The following L3MBTL4 variants were observed in gnomAD, a reference collection of about 807,000 sequenced individuals.
L3MBTL4 encodes the protein lethal(3)malignant brain tumor-like protein 4.
Under a neutral mutation model 84.5 loss-of-function variants are expected in L3MBTL4, and 70 were observed. The observed-to-expected ratio is 0.83, with a 90% CI of 0.68 to 1.01. The LOEUF is 1.01. Ranked by LOEUF, L3MBTL4 falls within the 50% of genes least tolerant of loss-of-function variation. The probability of loss-of-function intolerance (pLI) is 0.00; values close to 1 mark genes in which losing one functional copy is unlikely to be tolerated. For synonymous variants in L3MBTL4, 274 were observed against 259.8 expected, an observed-to-expected ratio of 1.05 and a Z score of -0.52; for missense variants, 715 against 754.8, an observed-to-expected ratio of 0.95 and a Z score of 0.62.
At chr18:6,234,812 A>C (rs538852051) in intron 10 of L3MBTL4, among the ~76,000 whole-genome samples, 1 of 152,334 alleles carries the variant, frequency 6.6e-6, no homozygotes, top group African/African-American at 2.4e-5. Flanking sequence ...CGATCCCATC[A>C]CTGGGTATAT....
intron 3 of L3MBTL4, among the ~76,000 whole-genome samples, chr18:6,308,482 A>G (rs2050690507): frequency 6.6e-6 from 1 of 152,268 alleles, no homozygotes; most frequent in African/African-American, 2.4e-5. Flanking sequence ...AAAAGGATAT[A>G]TGAATAAGAA....
intron 7 of L3MBTL4, 50 bp downstream of exon 7, chr18:6,243,244 T>C: frequency 7.1e-7 from 1 of 1,413,930 alleles, no homozygotes; most frequent in South Asian, 1.7e-5. Context: ...AAAATATAAG[T>C]GAAATACCAA....
chr18:6,132,075 C>G (rs1034453561), intron 14 of L3MBTL4, among the ~76,000 whole-genome samples: 1 of 152,056 alleles, frequency 6.6e-6, no homozygotes, highest in Non-Finnish European at 1.5e-5. Flanking sequence ...CCAATGATAC[C>G]CTTTCAGCCA....
rs1244244609 is a variant in L3MBTL4 at position 6,337,544 on chromosome 18, A to AATATAAAT, written c.-90-25489_-90-25488insATTTATAT. On this transcript the variant is annotated intron_variant, in intron 1 of 18. Coordinates refer to ENST00000317931, the MANE Select transcript of L3MBTL4 (RefSeq NM_001330559.2). ...TGCTATTTATATAAAGTTCAATAACAGGCAAAACTAACCTAAAGCATGGGA... is the reference window on the plus strand; with the variant it reads ...TGCTATTTATATAAAGTTCAATAACAATATAAATGGCAAAACTAACCTAAAGCATGGGA... 3.0e-4 allele frequency among the ~76,000 whole-genome samples: 46 copies of AATATAAAT among 152,276 alleles called. 1 individual carries two copies. In the East Asian group the frequency reaches 5.0e-3, roughly 17 times the overall value.
In L3MBTL4 at chr18:6,243,449, C is replaced by T. The variant is rs1599309056; in HGVS notation, c.325-20G>A. 6.4e-6 allele frequency: 10 copies of T among 1,566,092 alleles called. No individual in the cohort carries two copies. Among genetic ancestry groups the T allele is most frequent in the Non-Finnish European group, 8.6e-6 (10 of 1,158,620 alleles). On this transcript the variant is annotated intron_variant, in intron 6 of 18. Transcript: ENST00000317931. ...ACAAACCTGCAAGATAGAAAGTTTACAATCATTCGTTAAGTGTCATATATT... is the reference window on the plus strand; with the variant it reads ...ACAAACCTGCAAGATAGAAAGTTTATAATCATTCGTTAAGTGTCATATATT...
At chr18:6,239,974 C>G (rs2047387231) in intron 8 of L3MBTL4, 102 bp from the exon 9 acceptor site, 3 of 1,170,052 alleles carry the variant, frequency 2.6e-6, no homozygotes, top group South Asian at 2.7e-5. Context: ...GCAAAGTCTA[C>G]AGGTGTCAGC....
chr18:6,252,379 T>C (rs530873898), intron 5 of L3MBTL4, among the ~76,000 whole-genome samples: 1 of 151,946 alleles, frequency 6.6e-6, no homozygotes, highest in Non-Finnish European at 1.5e-5. Context: ...ATAATCAATA[T>C]CAAGCAAGTG....
intron 4 of L3MBTL4, among the ~76,000 whole-genome samples, chr18:6,291,910 A>C (rs903033250): frequency 6.6e-6 from 1 of 152,222 alleles, no homozygotes; most frequent in Non-Finnish European, 1.5e-5. Context: ...AAGTGAAGAG[A>C]CAACCCACAG....
chr18:6,194,538 C>A (rs550344961), intron 12 of L3MBTL4, among the ~76,000 whole-genome samples: 3 of 152,310 alleles, frequency 2.0e-5, no homozygotes, highest in African/African-American at 7.2e-5. Context: ...TTAATTATAG[C>A]CCATGTGTGG....
intron 4 of L3MBTL4, among the ~76,000 whole-genome samples, chr18:6,293,160 G>A (rs1207116107): frequency 6.6e-6 from 1 of 151,962 alleles, no homozygotes; most frequent in Non-Finnish European, 1.5e-5. Context: ...TCAACATATA[G>A]ACATCTGTGT....
intron 1 of L3MBTL4, among the ~76,000 whole-genome samples, chr18:6,341,488 C>A (rs1219634944): frequency 1.3e-5 from 2 of 151,608 alleles, no homozygotes; most frequent in Non-Finnish European, 2.9e-5. Context: ...AACACCTGAA[C>A]TCAAAAATTC....
At chr18:6,129,858 ACTTGATGTATAT>A (rs764706978) in intron 14 of L3MBTL4, among the ~76,000 whole-genome samples, 6 of 152,050 alleles carry the variant, frequency 3.9e-5, no homozygotes, top group Non-Finnish European at 8.8e-5. Flanking sequence ...TCTGTTTTCA[ACTTGATGTATAT>A]CTTTAGTCAC....
chr18:6,013,354 G>T, intron 16 of L3MBTL4, among the ~76,000 whole-genome samples: 1 of 152,170 alleles, frequency 6.6e-6, no homozygotes. Flanking sequence ...CCCCTCACTT[G>T]TCAGCTACAA....
chr18:6,036,956 C>T (rs1219175499), intron 16 of L3MBTL4, among the ~76,000 whole-genome samples: 1 of 151,902 alleles, frequency 6.6e-6, no homozygotes, highest in African/African-American at 2.4e-5. Context: ...TGTCTGGTCC[C>T]AAAAGAAGAA....
chr18:6,056,025 T>C (rs1568042585), intron 16 of L3MBTL4, among the ~76,000 whole-genome samples: 1 of 152,050 alleles, frequency 6.6e-6, no homozygotes, highest in Non-Finnish European at 1.5e-5. Flanking sequence ...AACGCCTCAG[T>C]GTTTCGGGGG....
chr18:6,286,899 G>A (rs2049617182), intron 4 of L3MBTL4, among the ~76,000 whole-genome samples: 1 of 152,118 alleles, frequency 6.6e-6, no homozygotes, highest in East Asian at 1.9e-4. Flanking sequence ...CTCTGGTTGG[G>A]AGCTCTGTTC....
intron 12 of L3MBTL4, among the ~76,000 whole-genome samples, chr18:6,192,931 A>T (rs148969604): frequency 0.018 from 2,803 of 152,274 alleles, 58 homozygotes; most frequent in Admixed American, 0.026. Flanking sequence ...TAAAGAGAAA[A>T]AAAGAAAACA....
At chr18:6,159,360 C>T (rs940905774) in intron 13 of L3MBTL4, among the ~76,000 whole-genome samples, 2 of 152,206 alleles carry the variant, frequency 1.3e-5, no homozygotes, top group Non-Finnish European at 2.9e-5. Context: ...GGACCAGAGA[C>T]CCCACTCTGG....
chr18:6,406,320 G>C (rs573996621), intron 1 of L3MBTL4, among the ~76,000 whole-genome samples: 18 of 152,312 alleles, frequency 1.2e-4, no homozygotes, highest in African/African-American at 4.3e-4. Context: ...ACTTGTACTT[G>C]GCCAGTCATG....
Sources: gnomAD v4.1 joint callset for allele counts (sites outside exome capture counted in the v4.1 genomes callset) on GRCh38, gnomAD v4.1.1 for gene constraint, MANE v1.5 for transcripts, NCBI Gene and HGNC (gene_info 2026-07-23, HGNC 2026-07-21) for gene names.